KIAA1217: variants seen among roughly 807,000 people sequenced by gnomAD.
KIAA1217 encodes sickle tail protein homolog.
KIAA1217 carries 88 observed loss-of-function variants against 163.9 expected under a neutral mutation model. The observed-to-expected ratio is 0.54, with a 90% CI of 0.45 to 0.64. The LOEUF is 0.64. KIAA1217 is among the 30% of genes least tolerant of loss of function. KIAA1217 has a pLI of 0.00. For missense variants in KIAA1217, 2,372 were observed against 2,475.0 expected (o/e 0.96, Z 0.88); for synonymous variants, 903 against 923.1 (o/e 0.98, Z 0.39).
intron 8 of KIAA1217, among the ~76,000 whole-genome samples, chr10:24,497,160 C>T (rs148488623): frequency 3.3e-4 from 51 of 152,244 alleles, no homozygotes; most frequent in African/African-American, 1.1e-3. Flanking sequence ...AAGTATTATC[C>T]CTGTTCTGTA....
chr10:24,169,859 A>T (rs140035342), intron 2 of KIAA1217, among the ~76,000 whole-genome samples: 46 of 152,346 alleles, frequency 3.0e-4, no homozygotes, highest in African/African-American at 1.1e-3. Flanking sequence ...TTCCACACTT[A>T]TAAAACAGTA....
chr10:24,169,901 A>G (rs974070500), intron 2 of KIAA1217, among the ~76,000 whole-genome samples: 1 of 152,210 alleles, frequency 6.6e-6, no homozygotes, highest in African/African-American at 2.4e-5. Flanking sequence ...AAAAAAACGA[A>G]AAAACACCTA....
chr10:24,106,818 G>A (rs1034798094), intron 2 of KIAA1217, among the ~76,000 whole-genome samples: 23 of 152,118 alleles, frequency 1.5e-4, no homozygotes. Flanking sequence ...ATCCCCACCA[G>A]TTATTTCATC....
intron 1 of KIAA1217, among the ~76,000 whole-genome samples, chr10:23,776,136 G>T (rs1410980796): frequency 2.6e-5 from 4 of 152,068 alleles, no homozygotes; most frequent in African/African-American, 9.7e-5. Flanking sequence ...ATTCTTAAGA[G>T]ATACCATTGA....
intron 1 of KIAA1217, among the ~76,000 whole-genome samples, chr10:23,724,063 A>G (rs1045451651): frequency 2.0e-5 from 3 of 151,986 alleles, no homozygotes; most frequent in African/African-American, 7.3e-5. Context: ...TTACCTAAGA[A>G]CTCACTCACT....
intron 5 of KIAA1217, among the ~76,000 whole-genome samples, chr10:24,459,719 T>C (rs575279230): frequency 6.6e-6 from 1 of 152,238 alleles, no homozygotes; most frequent in South Asian, 2.1e-4. Flanking sequence ...GGCAAGGAGT[T>C]TGAGGCCAGC....
intron 2 of KIAA1217, among the ~76,000 whole-genome samples, chr10:24,121,022 C>T (rs540374855): frequency 1.3e-5 from 2 of 152,320 alleles, no homozygotes; most frequent in East Asian, 1.9e-4. Context: ...AGCTCATTCA[C>T]GTATTTCAAT....
At chr10:24,142,213 G>A (rs1326733028) in intron 2 of KIAA1217, among the ~76,000 whole-genome samples, 1 of 152,002 alleles carries the variant, frequency 6.6e-6, no homozygotes, top group Non-Finnish European at 1.5e-5. Context: ...GAAAAAAAGT[G>A]GATTCACATA....
chr10:24,086,138 A>G (rs971494291), intron 2 of KIAA1217, among the ~76,000 whole-genome samples: 3 of 152,070 alleles, frequency 2.0e-5, no homozygotes, highest in African/African-American at 4.8e-5. Flanking sequence ...TCTATGTGAC[A>G]TGGTGCCTGG....
chr10:24,375,298 A>G (rs936440508), intron 2 of KIAA1217, among the ~76,000 whole-genome samples: 1 of 152,208 alleles, frequency 6.6e-6, no homozygotes, highest in African/African-American at 2.4e-5. Context: ...CAGCATGGAC[A>G]TTAAAGACAG....
chr10:23,940,460 C>CAAAAAAAAAAAAAAAAAAAAA (rs760090400), intron 1 of KIAA1217, among the ~76,000 whole-genome samples: 2 of 46,026 alleles, frequency 4.3e-5, no homozygotes, highest in African/African-American at 1.3e-4. Context: ...GACTCCGTCT[C>CAAAAAAAAAAAAAAAAAAAAA]AAAAAAAAAA....
intron 8 of KIAA1217, among the ~76,000 whole-genome samples, chr10:24,497,855 A>T (rs1034424112): frequency 1.7e-4 from 26 of 152,048 alleles, no homozygotes; most frequent in East Asian, 3.9e-4. Flanking sequence ...GATGAGGGAT[A>T]AAAAAAACTA....
chr10:24,466,502 C>T (rs1373689608), intron 5 of KIAA1217: 2 of 985,092 alleles, frequency 2.0e-6, no homozygotes, highest in Non-Finnish European at 2.4e-6. Flanking sequence ...GAGAAATTGA[C>T]TTATCACGGG....
At chr10:24,250,619 G>T (rs141999840) in intron 2 of KIAA1217, among the ~76,000 whole-genome samples, 76,991 of 77,288 alleles carry the variant, frequency 1, 38,369 homozygotes, top group Middle Eastern at 1. Flanking sequence ...TTTTTGTATT[G>T]TTAATAGAGA....
At chr10:23,696,261 G>C (rs1461672207) in intron 1 of KIAA1217, among the ~76,000 whole-genome samples, 2 of 152,230 alleles carry the variant, frequency 1.3e-5, no homozygotes, top group Non-Finnish European at 2.9e-5. Context: ...GGGCAGGCGA[G>C]GACGGCGTGG....
chr10:24,543,756 A>G lies in KIAA1217; in HGVS notation c.4486A>G (p.Asn1496Asp), dbSNP rs1247698818. The change falls in exon 19 of 21, where the codon AAT (asparagine) becomes GAT (aspartate). Residue 1496 changes from asparagine (N) to aspartate (D), a missense_variant. Physicochemically the swap from Asn to Asp is conservative, Grantham distance 23. Coordinates refer to ENST00000376454, the MANE Select transcript of KIAA1217 (RefSeq NM_019590.5). ...AAATGGGGATTCTGTAGTCCAGAAT[A>G]ATAACACTTCCCAGATGTCTCATAA... The part of the protein sequence containing the change: ...EENGDSVVQN[N>D]NTSQMSHKKV... 6.2e-7 allele frequency: 1 copy of G among 1,613,544 alleles called. No homozygotes were observed.
At chr10:23,824,807 TG>T (rs1342219891) in intron 1 of KIAA1217, among the ~76,000 whole-genome samples, 2 of 151,350 alleles carry the variant, frequency 1.3e-5, no homozygotes, top group Non-Finnish European at 2.9e-5. Context: ...TATCATCTAT[TG>T]GGGTAACATA....
chr10:24,265,250 C>T (rs575667598), intron 2 of KIAA1217, among the ~76,000 whole-genome samples: 2 of 152,270 alleles, frequency 1.3e-5, no homozygotes, highest in East Asian at 3.9e-4. Context: ...ATAGATGATG[C>T]TTAAGTTGGT....
intron 1 of KIAA1217, among the ~76,000 whole-genome samples, chr10:23,967,550 G>A (rs968832335): frequency 2.6e-5 from 4 of 152,164 alleles, no homozygotes; most frequent in African/African-American, 9.7e-5. Flanking sequence ...ATTTAAAGTG[G>A]AAGTGTATTC....
Sources: allele counts gnomAD v4.1 joint callset (sites outside exome capture counted in the v4.1 genomes callset), GRCh38; gene constraint gnomAD v4.1.1; transcripts MANE v1.5; gene names NCBI Gene and HGNC (gene_info 2026-07-23, HGNC 2026-07-21).